Variants in STIL observed in about 807,000 individuals in gnomAD.
STIL encodes STIL centriolar assembly protein, also known as SCL-interrupting locus protein.
A neutral mutation model predicts 110.1 loss-of-function variants in STIL; 55 were observed. The observed-to-expected ratio is 0.50, with a 90% CI of 0.40 to 0.63. STIL has a LOEUF of 0.63. Among genes scored for constraint, STIL ranks in the 20% least tolerant of loss-of-function variants. The probability of loss-of-function intolerance (pLI) is 0.00; values close to 1 mark genes in which losing one functional copy is unlikely to be tolerated. For synonymous variants in STIL, 481 were observed against 530.0 expected (o/e 0.91, Z 1.27); for missense variants, 1,358 against 1,530.0 (o/e 0.89, Z 1.87).
rs1226031866 is a variant in STIL, at chr1:47,251,061, G to A, written c.*75C>T. 1.4e-6 allele frequency: 2 copies of A among 1,400,820 alleles called. No individual in the cohort carries two copies. Among genetic ancestry groups the A allele is most frequent in the South Asian group, 2.6e-5 (2 of 78,424 alleles). The allele number at this position is 1,400,820 out of a possible 1,614,324, so 86.8% of individuals were successfully genotyped here. A position where few individuals can be genotyped will look rare whatever the true frequency, so the allele number is the denominator to read the frequency against. ...ACTCCAGAATGATCAGGAGCCTTGT[G>A]GTAGGCTCCTGTTTTCCCTAAGTAT... On this transcript the variant is annotated 3_prime_UTR_variant, in exon 17 of 17. Coordinates refer to ENST00000371877, the MANE Select transcript of STIL (RefSeq NM_001048166.1).
chr1:47,298,115 T>C (rs1221104838), intron 6 of STIL, among the ~76,000 whole-genome samples: 1 of 152,168 alleles, frequency 6.6e-6, no homozygotes, highest in East Asian at 1.9e-4. Flanking sequence ...AAAGCACAGC[T>C]CTGGTCAGAA....
chr1:47,263,670 T>C (rs1644546775), intron 14 of STIL, among the ~76,000 whole-genome samples: 1 of 152,136 alleles, frequency 6.6e-6, no homozygotes, highest in Admixed American at 6.6e-5. Flanking sequence ...AGCTGTTGAT[T>C]TCTCCTGAAC....
At chr1:47,299,725 C>A in intron 6 of STIL, 180 bp downstream of exon 6, 3 of 712,120 alleles carry the variant, frequency 4.2e-6, no homozygotes, top group Non-Finnish European at 4.4e-6. Flanking sequence ...GGTGGCACAA[C>A]TTAAAGAAAA....
At chr1:47,264,264 C>T (rs1644571942) in intron 14 of STIL, among the ~76,000 whole-genome samples, 1 of 152,144 alleles carries the variant, frequency 6.6e-6, no homozygotes, top group East Asian at 1.9e-4. Flanking sequence ...CATCTGCTGG[C>T]GCCTCAATCT....
chr1:47,277,882 C>A (rs950095348), intron 12 of STIL, among the ~76,000 whole-genome samples: 2 of 151,934 alleles, frequency 1.3e-5, no homozygotes, highest in African/African-American at 4.8e-5. Context: ...CTCCATACAA[C>A]TTATGTATAT....
Position 47,280,683 on chromosome 1 carries a change from G to A in STIL, c.1775C>T (p.Pro592Leu). The A allele has an allele frequency of 1.9e-6, 3 of 1,614,220 alleles. No individual in the cohort carries two copies. The highest frequency in any genetic ancestry group is 2.5e-6 in the Non-Finnish European group (3 of 1,180,044). ...TGTGGAACAGTAAGATGGCAGTGGG[G>A]GAGTAGGTATCTGAAGTTCCATTGG... ...GRPMELQIPT[P>L]PLPSYCSTNV... Residue 592 changes from proline to leucine, a missense_variant, in exon 12 of 17, where the codon CCC becomes CTC. Pro to Leu is a moderately conservative substitution (Grantham distance 98, BLOSUM62 -3). Transcript: ENST00000371877.
In STIL at chr1:47,266,715, A is replaced by C. The variant is rs74415101; in HGVS notation, c.2615+2920T>G. Among the ~76,000 whole-genome samples, 793 of 152,286 alleles carry C rather than the reference A, an allele frequency of 5.2e-3. 2 individuals carry two copies. Among genetic ancestry groups the C allele is most frequent in the East Asian group, 0.03 (157 of 5,186 alleles). ...TCCACGAATTCCACAAGTCCAAGAC[A>C]TCTTCATCTCACTTGGTCTTTAGTT... is the stretch of plus-strand genomic sequence containing the variant. On this transcript the variant is annotated intron_variant, in intron 14 of 16. Coordinates refer to ENST00000371877, the MANE Select transcript of STIL (RefSeq NM_001048166.1).
chr1:47,288,081 A>G (rs939556381), intron 9 of STIL, among the ~76,000 whole-genome samples: 1 of 148,214 alleles, frequency 6.7e-6, no homozygotes, highest in Non-Finnish European at 1.5e-5. Flanking sequence ...ATTAAAATAT[A>G]TATTTATATA....
chr1:47,307,703 G>C (rs1042871195), intron 2 of STIL, among the ~76,000 whole-genome samples: 10 of 152,230 alleles, frequency 6.6e-5, no homozygotes, highest in Admixed American at 6.5e-4. Context: ...GGGAATAAGA[G>C]AGATAACCTT....
chr1:47,288,432 G>C (rs1645371224), intron 9 of STIL, among the ~76,000 whole-genome samples: 1 of 151,950 alleles, frequency 6.6e-6, no homozygotes, highest in Admixed American at 6.6e-5. Context: ...AAGTAGCTAG[G>C]ATTACAGGCA....
Position 47,260,447 on chromosome 1 carries a change from G to T in STIL, c.2922C>A (p.Thr974=), listed in dbSNP as rs1644451811. The change falls in exon 16 of 17, where the codon ACC becomes ACA. Residue 974 remains threonine (T), a synonymous_variant. Transcript: ENST00000371877. The part of the protein sequence containing the change: ...AVIISHECTR[T]QNVYHTKKKT... ...TTTTCTTTGTATGGTAAACGTTTTG[G>T]GTTCTGGTGCATTCATGACTGATAA... is the stretch of plus-strand genomic sequence containing the variant. The T allele has an allele frequency of 6.2e-7, 1 of 1,614,114 alleles. No individual in the cohort carries two copies. The highest frequency in any genetic ancestry group is 1.1e-5 in the South Asian group (1 of 91,080).
chr1:47,270,670 CTTTTTTT>C (rs542462270), intron 13 of STIL, among the ~76,000 whole-genome samples: 14 of 94,072 alleles, frequency 1.5e-4, no homozygotes, highest in East Asian at 1.1e-3. Flanking sequence ...GTTTCCCAAT[CTTTTTTT>C]TTTTTTTTTT....
At chr1:47,269,900 A>T in intron 13 of STIL, 34 bp from the exon 14 acceptor site, 4 of 1,568,288 alleles carry the variant, frequency 2.6e-6, no homozygotes, top group Non-Finnish European at 3.5e-6. Context: ...ACTGAAACAA[A>T]CATTCAACTT....
intron 10 of STIL, chr1:47,283,456 C>T (rs1221287783): frequency 6.6e-6 from 1 of 152,190 alleles, no homozygotes; most frequent in Non-Finnish European, 1.5e-5. Context: ...AATGATATTC[C>T]AAAGCGCTCA....
chr1:47,251,901 T>C lies in STIL; in HGVS notation c.3102A>G (p.Pro1034=), dbSNP rs757430881. ...DHASVLACIS[P]EAVISGLNCM... is the part of the protein sequence containing the mutation. Reference sequence around the variant, plus strand: ...AGTTTAATCCAGAGATCACTGCTTCTGGGCTGATGCATGCCAACACACTGA... The same window carrying C: ...AGTTTAATCCAGAGATCACTGCTTCCGGGCTGATGCATGCCAACACACTGA... Residue 1034 remains proline (P), a synonymous_variant, in exon 17 of 17, where the codon CCA becomes CCG. Coordinates refer to ENST00000371877, the MANE Select transcript of STIL (RefSeq NM_001048166.1). 5 of 1,611,656 alleles carry C rather than the reference T, an allele frequency of 3.1e-6. No individual in the cohort carries two copies. In the East Asian group the frequency reaches 1.1e-4, roughly 36 times the overall value.
intron 11 of STIL, among the ~76,000 whole-genome samples, chr1:47,282,064 T>C (rs570008295): frequency 7.9e-5 from 12 of 152,220 alleles, no homozygotes; most frequent in African/African-American, 2.9e-4. Context: ...CTTGGGTAGG[T>C]AACTTAACCA....
intron 1 of STIL, 110 bp downstream of exon 1, chr1:47,313,926 G>A (rs1646213881): frequency 6.6e-6 from 1 of 152,320 alleles, no homozygotes; most frequent in South Asian, 2.1e-4. Context: ...TCTGCTCCAG[G>A]CTCCTGGAGG....
chr1:47,308,779 C>T (rs1646040071), intron 2 of STIL, among the ~76,000 whole-genome samples: 1 of 152,076 alleles, frequency 6.6e-6, no homozygotes, highest in South Asian at 2.1e-4. Flanking sequence ...TTAGGCTGGG[C>T]ACAGTGGCTC....
In STIL at chr1:47,293,450, T is replaced by C; in HGVS notation, c.872+8A>G. The C allele has an allele frequency of 6.2e-7, 1 of 1,608,428 alleles. No individual in the cohort carries two copies. The highest frequency in any genetic ancestry group is 8.5e-7 in the Non-Finnish European group (1 of 1,175,128). On this transcript the variant is annotated splice_region_variant and intron_variant, in intron 8 of 16. Coordinates refer to ENST00000371877, the MANE Select transcript of STIL (RefSeq NM_001048166.1). ...AAATAAAGTACTACAGAATAAAATA[T>C]CACTTGCCTTTCTTGAACAGAAGAA...
Sources: allele counts gnomAD v4.1 joint callset (sites outside exome capture counted in the v4.1 genomes callset), GRCh38; gene constraint gnomAD v4.1.1; transcripts MANE v1.5; gene names NCBI Gene and HGNC (gene_info 2026-07-23, HGNC 2026-07-21).